Variants in COPS4 observed in about 807,000 individuals in gnomAD.
COPS4 encodes COP9 signalosome complex subunit 4.
In COPS4, 8 loss-of-function variants were observed where a neutral mutation model predicts 55.1. That is an observed-to-expected ratio of 0.15 (90% confidence interval 0.09 to 0.26). The LOEUF (loss-of-function observed/expected upper bound fraction) is 0.26. Ranked by LOEUF, COPS4 falls within the 10% of genes least tolerant of loss-of-function variation. The probability of loss-of-function intolerance (pLI) is 1.00; values close to 1 mark genes in which losing one functional copy is unlikely to be tolerated. For synonymous variants in COPS4, 185 were observed against 165.7 expected, an observed-to-expected ratio of 1.12 and a Z score of -0.90; for missense variants, 248 against 484.0, an observed-to-expected ratio of 0.51 and a Z score of 4.58.
intron 1 of COPS4, among the ~76,000 whole-genome samples, chr4:83,038,214 CTA>C (rs1440516645): frequency 6.6e-6 from 1 of 152,228 alleles, no homozygotes; most frequent in African/African-American, 2.4e-5. Context: ...GTTTTCATCT[CTA>C]GAGTGAAAGT....
chr4:83,066,197 C>T (rs1731288582), intron 7 of COPS4, among the ~76,000 whole-genome samples: 1 of 152,110 alleles, frequency 6.6e-6, no homozygotes, highest in Non-Finnish European at 1.5e-5. Context: ...AGATTCTAAA[C>T]CCAAAGGGGT....
chr4:83,058,576 G>A (rs190565553), intron 6 of COPS4, among the ~76,000 whole-genome samples: 16 of 152,142 alleles, frequency 1.1e-4, no homozygotes, highest in Admixed American at 1.0e-3. Flanking sequence ...TACTGAAAAC[G>A]CAGTACATGA....
Position 83,066,444 on chromosome 4 carries a change from G to A in COPS4, c.893G>A (p.Ser298Asn), listed in dbSNP as rs1731295040. The change falls in exon 8 of 10, where the codon AGC (serine) becomes AAC (asparagine). Residue 298 changes from serine to asparagine, a missense_variant. Transcript: ENST00000264389. Reference sequence around the variant, plus strand: ...TGTCTTATTTATGTTTAAGGTTCCAGCATCTTGGACAGAGCTGTTATTGAA... The same window carrying A: ...TGTCTTATTTATGTTTAAGGTTCCAACATCTTGGACAGAGCTGTTATTGAA... ...HQKATTADGS[S>N]ILDRAVIEHN... 6 of 1,507,936 alleles carry A rather than the reference G, an allele frequency of 4.0e-6. No individual in the cohort carries two copies. Among genetic ancestry groups the A allele is most frequent in the Non-Finnish European group, 9.0e-7 (1 of 1,111,270 alleles). 93.4% of individuals were successfully genotyped at this position (1,507,936 alleles called of 1,614,324 possible).
At chr4:83,060,481 A>G (rs1731137456) in intron 6 of COPS4, among the ~76,000 whole-genome samples, 1 of 149,222 alleles carries the variant, frequency 6.7e-6, no homozygotes, top group South Asian at 2.1e-4. Flanking sequence ...AATTTTTTGT[A>G]TTTTTTAGTA....
intron 6 of COPS4, among the ~76,000 whole-genome samples, chr4:83,058,728 A>C (rs1351598630): frequency 1.3e-5 from 2 of 152,234 alleles, no homozygotes; most frequent in African/African-American, 4.8e-5. Context: ...ATGTCAGTAC[A>C]TATAACTCAT....
intron 2 of COPS4, among the ~76,000 whole-genome samples, chr4:83,046,507 T>G (rs1253636410): frequency 2.6e-5 from 4 of 152,202 alleles, no homozygotes; most frequent in Non-Finnish European, 5.9e-5. Flanking sequence ...CATATTGCTA[T>G]TCACAATAAG....
chr4:83,056,831 A>AAT, intron 4 of COPS4, 95 bp from the exon 5 acceptor site: 5 of 1,071,924 alleles, frequency 4.7e-6, no homozygotes, highest in Non-Finnish European at 6.8e-6. Flanking sequence ...ACGGTACCAG[A>AAT]ATATATATCA....
intron 9 of COPS4, among the ~76,000 whole-genome samples, chr4:83,073,880 C>T (rs890020953): frequency 6.6e-6 from 1 of 151,606 alleles, no homozygotes; most frequent in African/African-American, 2.4e-5. Context: ...TCCCTTGAAC[C>T]TGGGAGGTGG....
At chr4:83,062,013 C>T (rs1380125019) in intron 6 of COPS4, among the ~76,000 whole-genome samples, 2 of 152,166 alleles carry the variant, frequency 1.3e-5, no homozygotes, top group Non-Finnish European at 2.9e-5. Context: ...TAGATATGCT[C>T]ATTGCTTCTG....
At chr4:83,069,380 C>T (rs1264805155) in intron 9 of COPS4, among the ~76,000 whole-genome samples, 1 of 152,116 alleles carries the variant, frequency 6.6e-6, no homozygotes, top group African/African-American at 2.4e-5. Flanking sequence ...TCTTCCTTGA[C>T]CTTATTGGAG....
chr4:83,069,292 A>T (rs1394342683), intron 9 of COPS4, among the ~76,000 whole-genome samples: 2 of 152,148 alleles, frequency 1.3e-5, no homozygotes, highest in African/African-American at 2.4e-5. Flanking sequence ...TTTTTATTTG[A>T]AATATCTCAC....
chr4:83,072,404 C>T (rs1035784103), intron 9 of COPS4, among the ~76,000 whole-genome samples: 3 of 152,084 alleles, frequency 2.0e-5, no homozygotes, highest in Non-Finnish European at 4.4e-5. Flanking sequence ...TGCACCCGGC[C>T]GAATTCTGTC....
chr4:83,073,926 C>T (rs1235946160), intron 9 of COPS4, among the ~76,000 whole-genome samples: 1 of 148,886 alleles, frequency 6.7e-6, no homozygotes, highest in Admixed American at 6.7e-5. Flanking sequence ...CACTGCACTC[C>T]AGCCCAGATG....
At position 83,043,402 on chromosome 4, in the gene COPS4, C is replaced by T. The variant is rs1036068840; in HGVS notation, c.75-2224C>T. 5.3e-5 allele frequency among the ~76,000 whole-genome samples: 8 copies of T among 150,904 alleles called. No individual in the cohort carries two copies. The East Asian group carries it at 9.8e-4, about 18-fold the overall frequency. On this transcript the variant is annotated intron_variant, in intron 1 of 9. Coordinates refer to ENST00000264389, the MANE Select transcript of COPS4 (RefSeq NM_016129.3). ...GGGGTCGTGGCACATGCCTGTAGTC[C>T]TAGCTACTCAGGAGGCAGAAGCAGG...
intron 1 of COPS4, among the ~76,000 whole-genome samples, chr4:83,037,616 A>G (rs1431051815): frequency 6.6e-6 from 1 of 152,198 alleles, no homozygotes; most frequent in African/African-American, 2.4e-5. Flanking sequence ...ATATGCTTTA[A>G]GAGAAATACC....
At chr4:83,038,996 A>G (rs1245188996) in intron 1 of COPS4, among the ~76,000 whole-genome samples, 2 of 152,138 alleles carry the variant, frequency 1.3e-5, no homozygotes, top group African/African-American at 2.4e-5. Flanking sequence ...CTTCATTATG[A>G]TATGTCTGTG....
At chr4:83,061,783 C>A (rs1189875052) in intron 6 of COPS4, among the ~76,000 whole-genome samples, 1 of 152,056 alleles carries the variant, frequency 6.6e-6, no homozygotes, top group Non-Finnish European at 1.5e-5. Context: ...AGCAGTCCCT[C>A]CATCTTGGTC....
At chr4:83,049,058 G>C (rs1730792518) in intron 2 of COPS4, 108 bp from the exon 3 acceptor site, 1 of 977,352 alleles carries the variant, frequency 1.0e-6, no homozygotes, top group Admixed American at 2.8e-5. Flanking sequence ...TGCATTGAAG[G>C]CTGTACTAAT....
At chr4:83,041,223 C>T (rs530160333) in intron 1 of COPS4, among the ~76,000 whole-genome samples, 12 of 151,644 alleles carry the variant, frequency 7.9e-5, no homozygotes, top group African/African-American at 2.7e-4. Context: ...CCACCACGCC[C>T]GGCTAATTTT....
Sources: gnomAD v4.1 joint callset for allele counts (sites outside exome capture counted in the v4.1 genomes callset) on GRCh38, gnomAD v4.1.1 for gene constraint, MANE v1.5 for transcripts, NCBI Gene and HGNC (gene_info 2026-07-23, HGNC 2026-07-21) for gene names.